ZC3H18: variants seen among roughly 807,000 people sequenced by gnomAD.
ZC3H18 encodes the protein zinc finger CCCH domain-containing protein 18.
A neutral mutation model predicts 106.1 loss-of-function variants in ZC3H18; 8 were observed. That is an observed-to-expected ratio of 0.08 (90% CI 0.04 to 0.14). The LOEUF (loss-of-function observed/expected upper bound fraction) is 0.14, where lower values mean the gene tolerates loss of function less well. Ranked by LOEUF, ZC3H18 falls within the 10% of genes least tolerant of loss-of-function variation. The pLI, the probability that ZC3H18 is intolerant of heterozygous loss-of-function variation, is 1.00. For synonymous variants in ZC3H18, 635 were observed against 522.1 expected (o/e 1.22, Z -2.95); for missense variants, 1,318 against 1,278.4 (o/e 1.03, Z -0.47).
At chr16:88,618,775 A>T (rs533623260) in intron 8 of ZC3H18, among the ~76,000 whole-genome samples, 2 of 152,338 alleles carry the variant, frequency 1.3e-5, no homozygotes, top group South Asian at 2.1e-4. Flanking sequence ...GTCAGAGGTC[A>T]TCTGGAGGGT....
At chr16:88,597,738 C>G (rs1904514984) in intron 3 of ZC3H18, among the ~76,000 whole-genome samples, 1 of 152,200 alleles carries the variant, frequency 6.6e-6, no homozygotes, top group African/African-American at 2.4e-5. Context: ...GGACCCTGAG[C>G]ACACCTGCAG....
At chr16:88,573,185 A>G (rs567289306) in intron 1 of ZC3H18, among the ~76,000 whole-genome samples, 21 of 152,220 alleles carry the variant, frequency 1.4e-4, no homozygotes, top group African/African-American at 4.6e-4. Flanking sequence ...AATTTGTCAT[A>G]TTTCAGGTCT....
chr16:88,570,685 C>T (rs1461073949), intron 1 of ZC3H18, 119 bp downstream of exon 1: 1 of 151,074 alleles, frequency 6.6e-6, no homozygotes, highest in Admixed American at 6.6e-5. Flanking sequence ...CGCCTCCGGC[C>T]GTGCGGACCC....
chr16:88,612,442 T>C (rs1228472945), intron 8 of ZC3H18, among the ~76,000 whole-genome samples: 1 of 151,346 alleles, frequency 6.6e-6, no homozygotes, highest in Non-Finnish European at 1.5e-5. Flanking sequence ...GGCAGGTGGA[T>C]TGCTTGAAGC....
At chr16:88,593,600 C>G (rs1158072376) in intron 3 of ZC3H18, among the ~76,000 whole-genome samples, 1 of 152,194 alleles carries the variant, frequency 6.6e-6, no homozygotes, top group South Asian at 2.1e-4. Flanking sequence ...GAGCCCCTGC[C>G]GGCACCCAAG....
At chr16:88,582,344 C>G (rs1915187807) in intron 2 of ZC3H18, among the ~76,000 whole-genome samples, 1 of 145,552 alleles carries the variant, frequency 6.9e-6, no homozygotes. Context: ...CCTGCCTTAG[C>G]CTCCCGATTA....
rs1294761658 is a variant in ZC3H18 at position 88,623,076 on chromosome 16, T to TGCAGCTGTGCGCGCGTGC, written c.1668-130_1668-113dup. 45 of 1,205,734 alleles carry TGCAGCTGTGCGCGCGTGC rather than the reference T, an allele frequency of 3.7e-5. No homozygotes were observed. The Middle Eastern group carries it at 8.4e-4, about 22-fold the overall frequency. The allele number at this position is 1,205,734 out of a possible 1,614,324, so 74.7% of individuals were successfully genotyped here. On this transcript the variant is annotated intron_variant, in intron 9 of 17. Transcript: ENST00000301011. The stretch of plus-strand genomic sequence containing the variant: ...GGCTGTATGCGTCTGTGCGCGCGTC[T>TGCAGCTGTGCGCGCGTGC]GCAGCTGTGCGCGCGTGCGCAGCTG...
At chr16:88,599,755 T>C in intron 5 of ZC3H18, 36 bp from the exon 6 acceptor site, 1 of 1,589,094 alleles carries the variant, frequency 6.3e-7, no homozygotes, top group Middle Eastern at 1.7e-4. Flanking sequence ...CCCGGTATTC[T>C]GTTCCATGTT....
chr16:88,577,292 G>C lies in ZC3H18; in HGVS notation c.169G>C (p.Gly57Arg). 1.2e-6 allele frequency: 2 copies of C among 1,613,070 alleles called. No individual in the cohort carries two copies. Among genetic ancestry groups the C allele is most frequent in the Non-Finnish European group, 1.7e-6 (2 of 1,179,562 alleles). ...GGAGGATGAGGAAAGTGCAGCCAGG[G>C]GGCCGAGCCAGGAGGAGGAAGATAA... is the stretch of plus-strand genomic sequence containing the variant. ...DLEDEESAAR[G>R]PSQEEEDNHS... The change falls in exon 2 of 18, where the codon GGG becomes CGG. Residue 57 changes from glycine (G) to arginine (R), a missense_variant. Coordinates refer to ENST00000301011, the MANE Select transcript of ZC3H18 (RefSeq NM_144604.4).
At chr16:88,608,301 A>T (rs1027355169) in intron 6 of ZC3H18, among the ~76,000 whole-genome samples, 1 of 151,818 alleles carries the variant, frequency 6.6e-6, no homozygotes, top group African/African-American at 2.4e-5. Flanking sequence ...TTTTGTTCCA[A>T]AGTGTGTCAG....
Position 88,577,032 on chromosome 16 carries a change from C to A in ZC3H18, c.-14-78C>A. The A allele has an allele frequency of 2.1e-6, 3 of 1,451,968 alleles. No individual in the cohort carries two copies. The South Asian group carries it at 4.3e-5, about 21-fold the overall frequency. 89.9% of individuals were successfully genotyped at this position (1,451,968 alleles called of 1,614,324 possible). A position where few individuals can be genotyped will look rare whatever the true frequency, so the allele number is the denominator to read the frequency against. On this transcript the variant is annotated intron_variant, in intron 1 of 17. Coordinates refer to ENST00000301011, the MANE Select transcript of ZC3H18 (RefSeq NM_144604.4). The stretch of plus-strand genomic sequence containing the variant: ...ACCAAGCAGGATGGAAGTCCTGCTG[C>A]TTCAGGCCAGGAAAGTAGGGACAAG...
chr16:88,598,572 A>T, intron 4 of ZC3H18, 48 bp from the exon 5 acceptor site: 1 of 1,556,516 alleles, frequency 6.4e-7, no homozygotes, highest in Non-Finnish European at 8.8e-7. Context: ...TTCTCTGTAC[A>T]CTTGAAAGTT....
intron 8 of ZC3H18, among the ~76,000 whole-genome samples, chr16:88,611,863 C>G (rs1905292470): frequency 6.6e-6 from 1 of 152,218 alleles, no homozygotes; most frequent in South Asian, 2.1e-4. Context: ...ATACCACGCA[C>G]GGTGTGTAAC....
At chr16:88,607,771 GTC>G (rs1408568540) in intron 6 of ZC3H18, among the ~76,000 whole-genome samples, 1 of 149,526 alleles carries the variant, frequency 6.7e-6, no homozygotes, top group Non-Finnish European at 1.5e-5. Context: ...CACACTTCAT[GTC>G]TCTCAGGCAT....
chr16:88,622,961 G>A (rs1253917942), intron 9 of ZC3H18: 10 of 513,166 alleles, frequency 1.9e-5, no homozygotes, highest in African/African-American at 7.8e-5. Flanking sequence ...AGCGCCACCC[G>A]GTAACAGCAG....
chr16:88,616,530 T>C (rs1358172349), intron 8 of ZC3H18, among the ~76,000 whole-genome samples: 2 of 152,172 alleles, frequency 1.3e-5, no homozygotes, highest in Non-Finnish European at 2.9e-5. Flanking sequence ...CCAGGCCCGC[T>C]ACCTGCCTGG....
intron 2 of ZC3H18, among the ~76,000 whole-genome samples, chr16:88,582,219 C>CTTTTTTTTTTTTTTTTTTTT (rs71391393): frequency 6.5e-5 from 5 of 77,194 alleles, no homozygotes; most frequent in Non-Finnish European, 1.1e-4. Flanking sequence ...TTTTTCTTTT[C>CTTTTTTTTTTTTTTTTTTTT]TTTTTTTTTT....
chr16:88,599,716 G>T, intron 5 of ZC3H18, 75 bp from the exon 6 acceptor site: 2 of 1,525,636 alleles, frequency 1.3e-6, no homozygotes, highest in Non-Finnish European at 8.8e-7. Context: ...CGGGTGGGAC[G>T]GCTCCCTTTG....
intron 8 of ZC3H18, among the ~76,000 whole-genome samples, chr16:88,613,020 CATT>C (rs1369121507): frequency 3.3e-5 from 5 of 152,094 alleles, no homozygotes; most frequent in Non-Finnish European, 7.4e-5. Context: ...AAAGAAGAAA[CATT>C]GTACCCATCA....
Sources: gnomAD v4.1 joint callset for allele counts (sites outside exome capture counted in the v4.1 genomes callset) on GRCh38, gnomAD v4.1.1 for gene constraint, MANE v1.5 for transcripts, NCBI Gene and HGNC (gene_info 2026-07-23, HGNC 2026-07-21) for gene names.